KCNMA1: variants seen among roughly 807,000 people sequenced by gnomAD.
KCNMA1 encodes the protein potassium calcium-activated channel subfamily M alpha 1.
KCNMA1 carries 29 observed loss-of-function variants against 140.0 expected under a neutral mutation model. That is an observed-to-expected ratio of 0.21 (90% confidence interval 0.15 to 0.28). KCNMA1 has a LOEUF of 0.28. KCNMA1 is among the 10% of genes least tolerant of loss of function. The probability of loss-of-function intolerance (pLI) is 1.00; values close to 1 mark genes in which losing one functional copy is unlikely to be tolerated. For missense variants in KCNMA1, 880 were observed against 1,602.2 expected (o/e 0.55, Z 7.70); for synonymous variants, 612 against 611.9 (o/e 1.00, Z 0.00).
chr10:77,365,256 A>G (rs1415646001), intron 2 of KCNMA1, among the ~76,000 whole-genome samples: 1 of 152,194 alleles, frequency 6.6e-6, no homozygotes, highest in Non-Finnish European at 1.5e-5. Flanking sequence ...CCACCTTGTC[A>G]CTGTCTCCTT....
chr10:77,577,116 C>T (rs1261003450), intron 1 of KCNMA1, among the ~76,000 whole-genome samples: 4 of 150,880 alleles, frequency 2.7e-5, no homozygotes, highest in East Asian at 3.9e-4. Flanking sequence ...TTTCTTTCCT[C>T]GGCTCACTGC....
intron 1 of KCNMA1, among the ~76,000 whole-genome samples, chr10:77,539,002 C>A (rs181497820): frequency 6.6e-6 from 1 of 152,316 alleles, no homozygotes; most frequent in African/African-American, 2.4e-5. Flanking sequence ...CATGTCACCA[C>A]CCACGGTCCT....
chr10:76,890,191 A>C (rs373192651), intron 26 of KCNMA1, among the ~76,000 whole-genome samples: 4 of 152,308 alleles, frequency 2.6e-5, no homozygotes, highest in African/African-American at 9.6e-5. Context: ...AGTTCTGATC[A>C]GTTCACAGCC....
chr10:77,049,761 AT>A (rs2095285234), intron 14 of KCNMA1, among the ~76,000 whole-genome samples: 1 of 152,208 alleles, frequency 6.6e-6, no homozygotes, highest in Non-Finnish European at 1.5e-5. Flanking sequence ...AAATAAATCA[AT>A]TCTGCTTCTG....
chr10:77,400,234 G>C (rs1418962862), intron 2 of KCNMA1, among the ~76,000 whole-genome samples: 1 of 152,180 alleles, frequency 6.6e-6, no homozygotes, highest in African/African-American at 2.4e-5. Context: ...CTCCTAAAGG[G>C]CAGGCCTATT....
chr10:76,932,837 T>C (rs1325651756), intron 23 of KCNMA1, among the ~76,000 whole-genome samples: 1 of 152,200 alleles, frequency 6.6e-6, no homozygotes, highest in Admixed American at 6.5e-5. Context: ...TGTTCATTTC[T>C]ACATGGCCAG....
intron 2 of KCNMA1, among the ~76,000 whole-genome samples, chr10:77,260,315 C>G (rs2061688350): frequency 6.6e-6 from 1 of 152,096 alleles, no homozygotes. Context: ...TCAGGAAGGA[C>G]AGAGAGAGGA....
intron 5 of KCNMA1, among the ~76,000 whole-genome samples, chr10:77,168,131 G>A (rs2098664164): frequency 6.6e-6 from 1 of 152,046 alleles, no homozygotes; most frequent in African/African-American, 2.4e-5. Context: ...CTAAACCGTG[G>A]GTATATAGTA....
chr10:76,914,594 T>C (rs748701503), intron 24 of KCNMA1: 7 of 354,418 alleles, frequency 2.0e-5, no homozygotes, highest in Non-Finnish European at 3.7e-5. Context: ...AAGAGGTTCT[T>C]ACAGTAAAAA....
chr10:76,947,999 C>CCTCAGTTT (rs1565117678), intron 22 of KCNMA1, among the ~76,000 whole-genome samples: 1 of 141,666 alleles, frequency 7.1e-6, no homozygotes, highest in African/African-American at 2.5e-5. Flanking sequence ...TCAGTTGTTT[C>CCTCAGTTT]TTGTTTTGTT....
chr10:77,151,517 A>G (rs973843263), intron 5 of KCNMA1, among the ~76,000 whole-genome samples: 3 of 152,054 alleles, frequency 2.0e-5, no homozygotes, highest in African/African-American at 4.8e-5. Flanking sequence ...ATGAGCCACC[A>G]CACCTGGCCA....
At chr10:77,361,960 G>A (rs562349997) in intron 2 of KCNMA1, among the ~76,000 whole-genome samples, 2 of 152,344 alleles carry the variant, frequency 1.3e-5, no homozygotes, top group Admixed American at 6.5e-5. Context: ...CCAGACAAAT[G>A]TGGCCCAATT....
At chr10:77,527,663 GCC>G (rs1258227405) in intron 1 of KCNMA1, among the ~76,000 whole-genome samples, 1 of 152,180 alleles carries the variant, frequency 6.6e-6, no homozygotes, top group Non-Finnish European at 1.5e-5. Flanking sequence ...TTCTAGAAGA[GCC>G]CATAAACCAT....
intron 1 of KCNMA1, among the ~76,000 whole-genome samples, chr10:77,600,689 G>A (rs527436157): frequency 6.6e-6 from 1 of 152,220 alleles, no homozygotes; most frequent in South Asian, 2.1e-4. Context: ...AGAGGTTGCG[G>A]TGAGCTGAGG....
At chr10:77,597,015 G>A (rs766330496) in intron 1 of KCNMA1, among the ~76,000 whole-genome samples, 29 of 152,242 alleles carry the variant, frequency 1.9e-4, no homozygotes, top group Admixed American at 4.6e-4. Flanking sequence ...TTTCTGGAGC[G>A]AAATCTAACA....
At chr10:77,389,979 C>G (rs1603458218) in intron 2 of KCNMA1, among the ~76,000 whole-genome samples, 1 of 152,190 alleles carries the variant, frequency 6.6e-6, no homozygotes, top group African/African-American at 2.4e-5. Context: ...ATCACTCTGG[C>G]AGCTAAGAAA....
chr10:77,284,616 C>T (rs1432152426), intron 2 of KCNMA1, among the ~76,000 whole-genome samples: 4 of 152,006 alleles, frequency 2.6e-5, no homozygotes, highest in South Asian at 2.1e-4. Context: ...CAGGTTCAAG[C>T]GATTCTCTTG....
intron 1 of KCNMA1, among the ~76,000 whole-genome samples, chr10:77,506,596 A>AGAGAGTGTGTGT: frequency 0.052 from 4,286 of 83,162 alleles, 382 homozygotes; most frequent in East Asian, 0.28. Flanking sequence ...AGAGAGAGAG[A>AGAGAGTGTGTGT]GTGTGTGTGT....
intron 5 of KCNMA1, chr10:77,148,321 G>A (rs754365209): frequency 5.9e-5 from 9 of 152,160 alleles, no homozygotes; most frequent in African/African-American, 9.7e-5. Flanking sequence ...TGAAGAACAC[G>A]GTGAGTTATA....
Sources: gnomAD v4.1 joint callset for allele counts (sites outside exome capture counted in the v4.1 genomes callset) on GRCh38, gnomAD v4.1.1 for gene constraint, MANE v1.5 for transcripts, NCBI Gene and HGNC (gene_info 2026-07-23, HGNC 2026-07-21) for gene names.